The following ZC3H18 variants were observed in gnomAD, a reference collection of about 807,000 sequenced individuals.
The protein encoded by ZC3H18 is zinc finger CCCH-type containing 18, also known as zinc finger CCCH domain-containing protein 18.
ZC3H18 carries 8 observed loss-of-function variants against 106.1 expected under a neutral mutation model. The observed-to-expected ratio is 0.08, with a 90% CI of 0.04 to 0.14. The LOEUF (loss-of-function observed/expected upper bound fraction) is 0.14. Ranked by LOEUF, ZC3H18 falls within the 10% of genes least tolerant of loss-of-function variation. ZC3H18 has a pLI of 1.00. For missense variants in ZC3H18, 1,318 were observed against 1,278.4 expected (o/e 1.03, Z -0.47); for synonymous variants, 635 against 522.1 (o/e 1.22, Z -2.95).
At chr16:88,582,600 C>T (rs538809818) in intron 2 of ZC3H18, among the ~76,000 whole-genome samples, 15 of 152,248 alleles carry the variant, frequency 9.9e-5, no homozygotes, top group Admixed American at 3.3e-4. Flanking sequence ...CATTCTATTG[C>T]CAAAGCCCAG....
chr16:88,609,375 G>A, intron 7 of ZC3H18: 1 of 181,818 alleles, frequency 5.5e-6, no homozygotes. Context: ...TCGGCTCACT[G>A]CAACCTCTAC....
At chr16:88,575,883 A>G (rs1305555761) in intron 1 of ZC3H18, among the ~76,000 whole-genome samples, 1 of 148,670 alleles carries the variant, frequency 6.7e-6, no homozygotes, top group Non-Finnish European at 1.5e-5. Flanking sequence ...TCTGTGACTT[A>G]GTTTTTGTTT....
Position 88,627,790 on chromosome 16 carries a change from G to T in ZC3H18, c.2269+8G>T. 1 of 1,610,416 alleles carries T rather than the reference G, an allele frequency of 6.2e-7. No individual in the cohort carries two copies. Among genetic ancestry groups the T allele is most frequent in the East Asian group, 2.2e-5 (1 of 44,790 alleles). On this transcript the variant is annotated splice_region_variant and intron_variant, in intron 14 of 17. Transcript: ENST00000301011. The surrounding 1 kb of genome is among the most constrained non-coding windows in gnomAD (Gnocchi z 4.5). ...AGACCAGGAAGGAGAAAGGTACTCAGGAGCCCTGGTACCTTTGGGGAGCAG... is the reference window on the plus strand; with the variant it reads ...AGACCAGGAAGGAGAAAGGTACTCATGAGCCCTGGTACCTTTGGGGAGCAG...
At chr16:88,628,902 G>T in intron 16 of ZC3H18, 48 bp downstream of exon 16, 1 of 1,602,992 alleles carries the variant, frequency 6.2e-7, no homozygotes, top group South Asian at 1.1e-5. Context: ...CGGGAGCCTG[G>T]GGATGCGGAG....
chr16:88,614,576 G>T (rs539497581), intron 8 of ZC3H18, among the ~76,000 whole-genome samples: 1 of 152,308 alleles, frequency 6.6e-6, no homozygotes, highest in South Asian at 2.1e-4. Flanking sequence ...TAAATGTGCT[G>T]TATTTGTCAT....
At chr16:88,599,204 G>A (rs983164481) in intron 5 of ZC3H18, among the ~76,000 whole-genome samples, 1 of 151,802 alleles carries the variant, frequency 6.6e-6, no homozygotes, top group East Asian at 1.9e-4. Flanking sequence ...GAGGCTGCCC[G>A]AGCCGCACCC....
chr16:88,615,122 G>A (rs13339132), intron 8 of ZC3H18, among the ~76,000 whole-genome samples: 11 of 110,848 alleles, frequency 9.9e-5, no homozygotes, highest in South Asian at 8.4e-4. Flanking sequence ...CACCTGCTCC[G>A]TTCCCTCTGC....
At chr16:88,599,671 G>T (rs1316396188) in intron 5 of ZC3H18, 120 bp from the exon 6 acceptor site, 15 of 1,206,574 alleles carry the variant, frequency 1.2e-5, no homozygotes, top group African/African-American at 3.0e-5. Flanking sequence ...AGCACTTGCA[G>T]CGTGCAGCTC....
At chr16:88,586,861 G>C (rs962352147) in intron 3 of ZC3H18, among the ~76,000 whole-genome samples, 177 bp downstream of exon 3, 1 of 152,150 alleles carries the variant, frequency 6.6e-6, no homozygotes, top group Non-Finnish European at 1.5e-5. Flanking sequence ...GTAAACAATA[G>C]GCCCTTTTAT....
At chr16:88,625,378 C>T in intron 13 of ZC3H18, 111 bp downstream of exon 13, 1 of 1,383,218 alleles carries the variant, frequency 7.2e-7, no homozygotes, top group Non-Finnish European at 1.0e-6. Context: ...TGGGGCCCTT[C>T]TGGATCTGAG....
chr16:88,623,269 G>A lies in ZC3H18; in HGVS notation c.1718G>A (p.Arg573Gln), dbSNP rs137879594. 91 of 1,613,490 alleles carry A rather than the reference G, an allele frequency of 5.6e-5. No homozygotes were observed. The highest frequency in any genetic ancestry group is 8.9e-5 in the East Asian group (4 of 44,882). The change falls in exon 10 of 18, where the codon CGA becomes CAA. Residue 573 changes from arginine to glutamine, a missense_variant. Arg to Gln is a conservative substitution (Grantham distance 43). Transcript: ENST00000301011. ...SYSGSGSSRS[R>Q]SRSSSYSSYS... ...TCTGGCTCCGGCTCCTCCCGGTCGC[G>A]ATCCCGGTCTTCATCCTACAGCTCC...
intron 8 of ZC3H18, among the ~76,000 whole-genome samples, chr16:88,616,382 G>A (rs115707303): frequency 7.0e-4 from 107 of 152,294 alleles, no homozygotes; most frequent in African/African-American, 2.5e-3. Context: ...GTGCTCCTGG[G>A]GCTGCCCTCA....
chr16:88,598,807 C>G (rs1904591096), intron 5 of ZC3H18, 95 bp downstream of exon 5: 1 of 1,136,610 alleles, frequency 8.8e-7, no homozygotes, highest in African/African-American at 1.6e-5. Context: ...GAGAGAGCCC[C>G]AGAAATCTCT....
intron 1 of ZC3H18, among the ~76,000 whole-genome samples, chr16:88,575,649 A>G (rs970641622): frequency 6.6e-6 from 1 of 152,050 alleles, no homozygotes; most frequent in Admixed American, 6.6e-5. Flanking sequence ...GAAAATATTA[A>G]CTTTATAATT....
chr16:88,610,822 G>A (rs12445653), intron 7 of ZC3H18, among the ~76,000 whole-genome samples: 51,576 of 152,164 alleles, frequency 0.34, 9,194 homozygotes, highest in East Asian at 0.54. Context: ...TGGAACTCCC[G>A]TCTCTGGATG....
Position 88,625,256 on chromosome 16 carries a change from C to A in ZC3H18, c.2097C>A (p.Ser699Arg). Residue 699 changes from serine (S) to arginine (R), a missense_variant, in exon 13 of 18, where the codon AGC (serine) becomes AGA (arginine). Ser to Arg is a moderately radical substitution (Grantham distance 110). Transcript: ENST00000301011. ...GTGGTAGCAGCTATAGTGGTTCCAG[C>A]TCCCGATCCAGGTCATCCCCATCAC... is the stretch of plus-strand genomic sequence containing the variant. ...SGSGSSYSGS[S>R]SRSRSLSVSS... 6.3e-7 allele frequency: 1 copy of A among 1,591,356 alleles called. No individual in the cohort carries two copies. The highest frequency in any genetic ancestry group is 8.6e-7 in the Non-Finnish European group (1 of 1,169,178).
Position 88,599,922 on chromosome 16 carries a change from G to T in ZC3H18, c.1062G>T (p.Arg354=), listed in dbSNP as rs762469366. The T allele has an allele frequency of 5.0e-6, 8 of 1,614,174 alleles. No individual in the cohort carries two copies. The highest frequency in any genetic ancestry group is 4.0e-5 in the African/African-American group (3 of 75,064). ...ENEVFRDWNS[R]IPRDVRDTVL... ...AAGTTTTTCGAGATTGGAATTCTCG[G>T]ATCCCGAGAGATGTCAGAGACACAG... The change falls in exon 6 of 18, where the codon CGG becomes CGT. Residue 354 remains arginine (R), a synonymous_variant. Coordinates refer to ENST00000301011, the MANE Select transcript of ZC3H18 (RefSeq NM_144604.4).
intron 8 of ZC3H18, among the ~76,000 whole-genome samples, chr16:88,616,674 G>C (rs191955391): frequency 6.6e-6 from 1 of 152,190 alleles, no homozygotes; most frequent in African/African-American, 2.4e-5. Context: ...TATTGAATGG[G>C]TGGGTCTTTG....
chr16:88,579,994 A>T (rs1410547680), intron 2 of ZC3H18, among the ~76,000 whole-genome samples: 1 of 151,994 alleles, frequency 6.6e-6, no homozygotes, highest in East Asian at 1.9e-4. Context: ...AGCACATTTG[A>T]CTTCAGGCCC....
Sources: allele counts gnomAD v4.1 joint callset (sites outside exome capture counted in the v4.1 genomes callset), GRCh38; gene constraint gnomAD v4.1.1; non-coding constraint Gnocchi (gnomAD v3.1); transcripts MANE v1.5; gene names NCBI Gene and HGNC (gene_info 2026-07-23, HGNC 2026-07-21).